The following ZNF395 variants were observed in gnomAD, a reference collection of about 807,000 sequenced individuals.
ZNF395 encodes the protein HD gene regulatory region-binding protein 2.
In ZNF395, 20 loss-of-function variants were observed where a neutral mutation model predicts 57.7. That is an observed-to-expected ratio of 0.35 (90% confidence interval 0.24 to 0.50). The LOEUF (loss-of-function observed/expected upper bound fraction) is 0.50, where lower values mean the gene tolerates loss of function less well. Ranked by LOEUF, ZNF395 falls within the 20% of genes least tolerant of loss-of-function variation. ZNF395 has a pLI of 0.97. For synonymous variants in ZNF395, 295 were observed against 275.9 expected (o/e 1.07, Z -0.69); for missense variants, 606 against 671.2 (o/e 0.90, Z 1.07).
At chr8:28,364,984 C>T (rs1173414434) in intron 1 of ZNF395, among the ~76,000 whole-genome samples, 1 of 152,184 alleles carries the variant, frequency 6.6e-6, no homozygotes, top group Admixed American at 6.5e-5. Context: ...ACATATTGCC[C>T]TCTGGCAGGG....
At chr8:28,360,184 G>A (rs995049977) in intron 2 of ZNF395, among the ~76,000 whole-genome samples, 1 of 152,192 alleles carries the variant, frequency 6.6e-6, no homozygotes, top group African/African-American at 2.4e-5. Context: ...TCATTATCCT[G>A]CACTCAAAGG....
At chr8:28,362,762 T>C (rs957152326) in intron 1 of ZNF395, among the ~76,000 whole-genome samples, 7 of 152,228 alleles carry the variant, frequency 4.6e-5, no homozygotes, top group Admixed American at 3.3e-4. Flanking sequence ...AACATCTCCA[T>C]AGTAACAAAA....
At chr8:28,380,623 T>C (rs1342749272) in intron 1 of ZNF395, among the ~76,000 whole-genome samples, 1 of 152,228 alleles carries the variant, frequency 6.6e-6, no homozygotes, top group Non-Finnish European at 1.5e-5. Flanking sequence ...TTACCACTTA[T>C]GATTTAATAA....
chr8:28,360,241 C>A (rs541699672), intron 2 of ZNF395, among the ~76,000 whole-genome samples: 50 of 152,330 alleles, frequency 3.3e-4, no homozygotes, highest in African/African-American at 1.1e-3. Flanking sequence ...CAGAGACAGG[C>A]CAACCTCTCA....
chr8:28,358,004 C>A (rs1232239305), intron 3 of ZNF395, among the ~76,000 whole-genome samples: 1 of 152,138 alleles, frequency 6.6e-6, no homozygotes, highest in African/African-American at 2.4e-5. Context: ...CTTCATTCAC[C>A]AGTGGTTCTG....
chr8:28,371,899 G>A lies in ZNF395; in HGVS notation c.-58-10717C>T, dbSNP rs1338562672. Among the ~76,000 whole-genome samples, 5 of 152,160 alleles carry A rather than the reference G, an allele frequency of 3.3e-5. No individual in the cohort carries two copies. The East Asian group carries it at 9.6e-4, about 29-fold the overall frequency. On this transcript the variant is annotated intron_variant, in intron 1 of 9. Coordinates refer to ENST00000344423, the MANE Select transcript of ZNF395 (RefSeq NM_018660.3). ...CCTCATCTCTACTAAAAATACAAAA[G>A]TTACCTGGACATGATGGTGGGCACC... is the stretch of plus-strand genomic sequence containing the variant.
At position 28,380,279 on chromosome 8, in the gene ZNF395, C is replaced by T. The variant is rs149159565; in HGVS notation, c.-59+6114G>A. On this transcript the variant is annotated intron_variant, in intron 1 of 9. Coordinates refer to ENST00000344423, the MANE Select transcript of ZNF395 (RefSeq NM_018660.3). Reference sequence around the variant, plus strand: ...GGATACTGAAAATCTCAAAACGCTACAATTCAAATTTTTAAACCTAAATCA... The same window carrying T: ...GGATACTGAAAATCTCAAAACGCTATAATTCAAATTTTTAAACCTAAATCA... Among the ~76,000 whole-genome samples, 85 of 152,336 alleles carry T rather than the reference C, an allele frequency of 5.6e-4. 1 individual carries two copies. Among genetic ancestry groups the T allele is most frequent in the African/African-American group, 1.9e-3 (78 of 41,582 alleles).
At chr8:28,373,985 C>T (rs1203832781) in intron 1 of ZNF395, among the ~76,000 whole-genome samples, 1 of 152,176 alleles carries the variant, frequency 6.6e-6, no homozygotes, top group Non-Finnish European at 1.5e-5. Flanking sequence ...GTACCTACCC[C>T]AGAGAAAACT....
At chr8:28,365,686 TC>T in intron 1 of ZNF395, among the ~76,000 whole-genome samples, 1 of 152,176 alleles carries the variant, frequency 6.6e-6, no homozygotes, top group East Asian at 1.9e-4. Flanking sequence ...TGTTCCTCAC[TC>T]CCTACTGCCG....
Position 28,353,250 on chromosome 8 carries a change from A to T in ZNF395, c.742T>A (p.Ser248Thr), listed in dbSNP as rs777522426. The T allele has an allele frequency of 1.2e-6, 2 of 1,603,144 alleles. No individual in the cohort carries two copies. Among genetic ancestry groups the T allele is most frequent in the Non-Finnish European group, 1.7e-6 (2 of 1,174,386 alleles). The change falls in exon 5 of 10, where the codon TCT becomes ACT. Residue 248 changes from serine (S) to threonine (T), a missense_variant. By Grantham distance (58) the Ser-to-Thr change is moderately conservative. Transcript: ENST00000344423. ...SPKYLGDAFGSPQTDHGFETD... is the reference protein window; with the variant it reads ...SPKYLGDAFGTPQTDHGFETD... ...TCAAAGCCATGATCAGTTTGGGGAGAACCAAAAGCATCCCCCAAATACTTG... is the reference window on the plus strand; with the variant it reads ...TCAAAGCCATGATCAGTTTGGGGAGTACCAAAAGCATCCCCCAAATACTTG...
At chr8:28,386,358 G>T (rs1446728531) in intron 1 of ZNF395, 35 bp downstream of exon 1, 1 of 32,194 alleles carries the variant, frequency 3.1e-5, no homozygotes, top group South Asian at 8.1e-4. Flanking sequence ...CCCCGCACCC[G>T]CCCAGCACGC....
intron 1 of ZNF395, among the ~76,000 whole-genome samples, chr8:28,381,678 G>A (rs1274250755): frequency 2.6e-5 from 4 of 152,056 alleles, no homozygotes; most frequent in Non-Finnish European, 5.9e-5. Flanking sequence ...GAGCCATTTG[G>A]ATCAATACCA....
intron 1 of ZNF395, among the ~76,000 whole-genome samples, chr8:28,372,268 C>T (rs1801985643): frequency 6.6e-6 from 1 of 152,044 alleles, no homozygotes; most frequent in African/African-American, 2.4e-5. Flanking sequence ...AGATTCTGAT[C>T]CCCCAGGTCT....
intron 1 of ZNF395, chr8:28,375,417 A>T (rs1802028768): frequency 6.6e-6 from 1 of 151,820 alleles, no homozygotes; most frequent in Admixed American, 6.6e-5. Context: ...GAGAGACAAA[A>T]TTATAATATT....
At chr8:28,380,622 A>T (rs1035203563) in intron 1 of ZNF395, among the ~76,000 whole-genome samples, 1 of 152,356 alleles carries the variant, frequency 6.6e-6, no homozygotes, top group African/African-American at 2.4e-5. Context: ...CTTACCACTT[A>T]TGATTTAATA....
In ZNF395 at chr8:28,359,253, T is replaced by A. The variant is rs1194116115; in HGVS notation, c.473+339A>T. ...CCATCTCTACCAAAAAATACAAAAA[T>A]TAGCCAGGCGTGGTGGTGCACGCCT... On this transcript the variant is annotated intron_variant, in intron 3 of 9. Transcript: ENST00000344423. The surrounding 1 kb of genome is among the most constrained non-coding windows in gnomAD (Gnocchi z 4.7). Among the ~76,000 whole-genome samples, 5 of 151,952 alleles carry A rather than the reference T, an allele frequency of 3.3e-5. No homozygotes were observed. The highest frequency in any genetic ancestry group is 1.2e-4 in the African/African-American group (5 of 41,364).
At chr8:28,385,976 C>G (rs1288862352) in intron 1 of ZNF395, 1 of 146,830 alleles carries the variant, frequency 6.8e-6, no homozygotes, top group South Asian at 2.1e-4. Flanking sequence ...CCCCGGCTGC[C>G]GCGCCGCTAG....
chr8:28,366,811 G>GT lies in ZNF395; in HGVS notation c.-58-5630dup, dbSNP rs1188615783. ...TCCTGGTATGTCTTCCCCAAAGAAA[G>GT]TTTAAAAAAAAAAAAAAAAAAGACA... is the stretch of plus-strand genomic sequence containing the variant. On this transcript the variant is annotated intron_variant, in intron 1 of 9. Transcript: ENST00000344423. 1.1e-4 allele frequency among the ~76,000 whole-genome samples: 10 copies of GT among 93,190 alleles called. No homozygotes were observed. The East Asian group carries it at 3.4e-3, about 32-fold the overall frequency. The allele number at this position is 93,190 out of a possible 152,430, so 61.1% of individuals were successfully genotyped here.
chr8:28,353,931 T>C (rs1801749921), intron 4 of ZNF395, among the ~76,000 whole-genome samples: 2 of 152,210 alleles, frequency 1.3e-5, no homozygotes, highest in Non-Finnish European at 2.9e-5. Context: ...CCAGCTTTCC[T>C]GAAAAATGCT....
Sources: gnomAD v4.1 joint callset for allele counts (sites outside exome capture counted in the v4.1 genomes callset) on GRCh38, gnomAD v4.1.1 for gene constraint, Gnocchi (gnomAD v3.1) non-coding constraint, MANE v1.5 for transcripts, NCBI Gene and HGNC (gene_info 2026-07-23, HGNC 2026-07-21) for gene names.